HEATR1: variants seen among roughly 807,000 people sequenced by gnomAD.
HEATR1 encodes the protein HEAT repeat-containing protein 1.
A neutral mutation model predicts 248.2 loss-of-function variants in HEATR1; 77 were observed. The ratio of observed to expected loss-of-function variants is 0.31; its 90% CI spans 0.26 to 0.37. The LOEUF is 0.37. Among genes scored for constraint, HEATR1 ranks in the 10% least tolerant of loss-of-function variants. HEATR1 has a pLI of 1.00. For synonymous variants in HEATR1, 897 were observed against 923.1 expected (o/e 0.97, Z 0.51); for missense variants, 2,420 against 2,504.9 (o/e 0.97, Z 0.72).
At chr1:236,584,203 TA>T (rs909941193) in intron 17 of HEATR1, among the ~76,000 whole-genome samples, 20 of 152,260 alleles carry the variant, frequency 1.3e-4, no homozygotes, top group African/African-American at 4.8e-4. Flanking sequence ...ATATGTATAA[TA>T]AAACACTCTA....
At chr1:236,572,340 A>G in intron 26 of HEATR1, 71 bp downstream of exon 26, 1 of 1,457,504 alleles carries the variant, frequency 6.9e-7, no homozygotes, top group South Asian at 1.2e-5. Context: ...TATGTTGAAA[A>G]GAGAATGTTA....
Position 236,588,035 on chromosome 1 carries a change from A to G in HEATR1, c.1539T>C (p.Val513=), listed in dbSNP as rs761675322. 1.9e-6 allele frequency: 3 copies of G among 1,610,854 alleles called. No individual in the cohort carries two copies. The highest frequency in any genetic ancestry group is 8.5e-7 in the Non-Finnish European group (1 of 1,177,884). ...CAGCTTCTTTTATGAAAGATTCATC[A>G]ACACCCTCCTGAGCAATAAAAGAAA... ...KKIMKTSKEG[V]DESFIKEAVL... is the part of the protein sequence containing the mutation. The change falls in exon 13 of 45, where the codon GTT becomes GTC. Residue 513 remains valine (V), a synonymous_variant. Transcript: ENST00000366582.
Position 236,573,788 on chromosome 1 carries a change from A to C in HEATR1, c.3459+414T>G, listed in dbSNP as rs190728793. ...CTATTCTGATAATAACAAGGTTTCAATATACGTATAAAACCAACAAGCAGA... is the reference window on the plus strand; with the variant it reads ...CTATTCTGATAATAACAAGGTTTCACTATACGTATAAAACCAACAAGCAGA... On this transcript the variant is annotated intron_variant, in intron 24 of 44. Transcript: ENST00000366582. Among the ~76,000 whole-genome samples the C allele has an allele frequency of 2.0e-3, 309 of 152,292 alleles. 2 individuals carry two copies. The highest frequency in any genetic ancestry group is 2.1e-3 in the Non-Finnish European group (145 of 68,006).
At chr1:236,580,520 T>C (rs868852680) in intron 20 of HEATR1, among the ~76,000 whole-genome samples, 1 of 8,588 alleles carries the variant, frequency 1.2e-4, no homozygotes, top group African/African-American at 3.0e-4. Flanking sequence ...TGTACAGCCC[T>C]TTTTTTTTTT....
At chr1:236,590,699 C>A (rs185245526) in intron 12 of HEATR1, 148 bp downstream of exon 12, 11 of 398,474 alleles carry the variant, frequency 2.8e-5, no homozygotes, top group African/African-American at 2.1e-4. Flanking sequence ...ATACACAGTC[C>A]TAAATATTAG....
At chr1:236,575,877 G>A (rs1663550025) in intron 22 of HEATR1, among the ~76,000 whole-genome samples, 1 of 152,104 alleles carries the variant, frequency 6.6e-6, no homozygotes, top group African/African-American at 2.4e-5. Context: ...ATATTCCTTT[G>A]TATAGAATTT....
In HEATR1 at chr1:236,558,639, C is replaced by G. The variant is rs958056777; in HGVS notation, c.4912-110G>C. The G allele has an allele frequency of 6.5e-6, 7 of 1,075,682 alleles. No homozygotes were observed. The African/African-American group carries it at 1.1e-4, about 17-fold the overall frequency. 66.6% of individuals were successfully genotyped at this position (1,075,682 alleles called of 1,614,324 possible). On this transcript the variant is annotated intron_variant, in intron 35 of 44. Transcript: ENST00000366582. The stretch of plus-strand genomic sequence containing the variant: ...CTAAATGGAAATCAGACTCGGGGGT[C>G]CTGAGTCACACAGTCATGCTAAGCG...
intron 14 of HEATR1, 146 bp downstream of exon 14, chr1:236,587,256 A>C (rs1172666110): frequency 2.6e-6 from 1 of 387,094 alleles, no homozygotes; most frequent in African/African-American, 2.1e-5. Flanking sequence ...ATAATGAAAG[A>C]GAGTATTACA....
chr1:236,556,194 G>T lies in HEATR1; in HGVS notation c.5420C>A (p.Thr1807Lys). ...GGTAGCCAGTGTCTTTTTAAGAGAT[G>T]TGAGACGGATATTAGCCTGTGACGC... ...GSASQANIRLTSLKKTLATTL... is the reference protein window; with the variant it reads ...GSASQANIRLKSLKKTLATTL... The change falls in exon 38 of 45, where the codon ACA becomes AAA. Residue 1807 changes from threonine (T) to lysine (K), a missense_variant. By Grantham distance (78) the Thr-to-Lys change is moderately conservative. Coordinates refer to ENST00000366582, the MANE Select transcript of HEATR1 (RefSeq NM_018072.6). 6.2e-7 allele frequency: 1 copy of T among 1,614,008 alleles called. No individual in the cohort carries two copies. The highest frequency in any genetic ancestry group is 8.5e-7 in the Non-Finnish European group (1 of 1,179,994).
chr1:236,569,884 G>A (rs1366087112), intron 28 of HEATR1, among the ~76,000 whole-genome samples: 1 of 152,160 alleles, frequency 6.6e-6, no homozygotes, highest in Non-Finnish European at 1.5e-5. Context: ...CAACCCAAAT[G>A]TCCATCAACC....
intron 32 of HEATR1, among the ~76,000 whole-genome samples, chr1:236,564,262 T>A (rs564853632): frequency 6.2e-4 from 95 of 152,340 alleles, no homozygotes; most frequent in African/African-American, 1.8e-3. Context: ...AAACTTCTGA[T>A]GGGTACACAA....
At chr1:236,568,916 A>G in intron 29 of HEATR1, 80 bp downstream of exon 29, 1 of 1,050,850 alleles carries the variant, frequency 9.5e-7, no homozygotes, top group South Asian at 2.9e-5. Flanking sequence ...AAAAACTAAA[A>G]AAAAGGCTTT....
intron 28 of HEATR1, among the ~76,000 whole-genome samples, chr1:236,570,009 C>T (rs1004531007): frequency 6.6e-6 from 1 of 152,160 alleles, no homozygotes; most frequent in Non-Finnish European, 1.5e-5. Context: ...TGCTAAGCAG[C>T]CGGGCACGGT....
Position 236,554,684 on chromosome 1 carries a change from A to C in HEATR1, c.5992T>G (p.Cys1998Gly), listed in dbSNP as rs1244238449. 1.2e-6 allele frequency: 2 copies of C among 1,613,302 alleles called. No individual in the cohort carries two copies. The highest frequency in any genetic ancestry group is 3.3e-5 in the Admixed American group (2 of 59,888). The change falls in exon 42 of 45, where the codon TGT becomes GGT. Residue 1998 changes from cysteine (C) to glycine (G), a missense_variant. Cys to Gly is a radical substitution (Grantham distance 159). Coordinates refer to ENST00000366582, the MANE Select transcript of HEATR1 (RefSeq NM_018072.6). ...CCLLLQFILNCLYKIFLFDTQ... is the reference protein window; with the variant it reads ...CCLLLQFILNGLYKIFLFDTQ... ...TCAAAAAGGAAGATTTTGTATAAAC[A>C]GTTCAAAATAAACTGCAACAGCAAG...
chr1:236,563,593 G>C (rs761015483), intron 32 of HEATR1, among the ~76,000 whole-genome samples: 1 of 152,134 alleles, frequency 6.6e-6, no homozygotes, highest in African/African-American at 2.4e-5. Flanking sequence ...AATAAGCATT[G>C]AGTCTGCTGA....
At chr1:236,566,105 C>T in intron 30 of HEATR1, 60 bp from the exon 31 acceptor site, 2 of 1,534,944 alleles carry the variant, frequency 1.3e-6, no homozygotes, top group Non-Finnish European at 1.8e-6. Context: ...GGCATAATTT[C>T]AGGATAATGT....
Position 236,583,211 on chromosome 1 carries a change from G to A in HEATR1, c.2242-15C>T, listed in dbSNP as rs16833972. On this transcript the variant is annotated splice_polypyrimidine_tract_variant and intron_variant, in intron 17 of 44. Transcript: ENST00000366582. ...GAGGGGATTTCCTGAAATGTTAAAG[G>A]AAACAAAAACTAGTACAAACTAAGG... The A allele has an allele frequency of 0.049, 77,796 of 1,573,666 alleles. 2,475 individuals carry two copies. The highest frequency in any genetic ancestry group is 0.14 in the East Asian group (5,996 of 44,388).
intron 24 of HEATR1, 129 bp from the exon 25 acceptor site, chr1:236,572,957 A>AC (rs775966625): frequency 4.7e-4 from 378 of 806,234 alleles, no homozygotes; most frequent in East Asian, 5.3e-4. Context: ...ATGCATCTGA[A>AC]CCCCCCCCAG....
At chr1:236,576,031 G>C (rs1258136002) in intron 22 of HEATR1, among the ~76,000 whole-genome samples, 188 bp downstream of exon 22, 3 of 152,096 alleles carry the variant, frequency 2.0e-5, no homozygotes, top group Non-Finnish European at 4.4e-5. Context: ...AAACTCACCA[G>C]TACTTGTCTT....
Sources: allele counts gnomAD v4.1 joint callset (sites outside exome capture counted in the v4.1 genomes callset), GRCh38; gene constraint gnomAD v4.1.1; transcripts MANE v1.5; gene names NCBI Gene and HGNC (gene_info 2026-07-23, HGNC 2026-07-21).